SNX9: variants seen among roughly 807,000 people sequenced by gnomAD.
SNX9 encodes the protein sorting nexin 9, also known as sorting nexin-9.
A neutral mutation model predicts 89.4 loss-of-function variants in SNX9; 44 were observed. The ratio of observed to expected loss-of-function variants is 0.49; its 90% confidence interval spans 0.39 to 0.63. SNX9 has a LOEUF of 0.63. SNX9 is among the 30% of genes least tolerant of loss of function. SNX9 has a pLI of 0.00. For synonymous variants in SNX9, 236 were observed against 247.8 expected, an observed-to-expected ratio of 0.95 and a Z score of 0.45; for missense variants, 578 against 736.1, an observed-to-expected ratio of 0.79 and a Z score of 2.49.
intron 7 of SNX9, among the ~76,000 whole-genome samples, chr6:157,907,810 A>G (rs1289613747): frequency 3.9e-5 from 6 of 152,260 alleles, no homozygotes; most frequent in Admixed American, 2.6e-4. Context: ...CTAAAAGTGC[A>G]GTAACCTTGC....
At chr6:157,906,684 G>A (rs1288406830) in intron 7 of SNX9, among the ~76,000 whole-genome samples, 1 of 152,192 alleles carries the variant, frequency 6.6e-6, no homozygotes, top group African/African-American at 2.4e-5. Context: ...GCTACCAAAT[G>A]GAAGCTGGGA....
intron 1 of SNX9, among the ~76,000 whole-genome samples, chr6:157,837,770 A>G (rs1781614352): frequency 6.6e-6 from 1 of 152,196 alleles, no homozygotes; most frequent in Admixed American, 6.5e-5. Context: ...TGCAGTCAGT[A>G]AGAAGTAACG....
chr6:157,909,072 G>T (rs536012889), intron 7 of SNX9, among the ~76,000 whole-genome samples: 1 of 152,042 alleles, frequency 6.6e-6, no homozygotes, highest in Non-Finnish European at 1.5e-5. Context: ...CTTGCCACTA[G>T]TAGTAAAACA....
At chr6:157,845,887 T>G (rs773094953) in intron 1 of SNX9, among the ~76,000 whole-genome samples, 1 of 152,240 alleles carries the variant, frequency 6.6e-6, no homozygotes, top group African/African-American at 2.4e-5. Flanking sequence ...TTTACTCTTA[T>G]AACTTGATTG....
intron 1 of SNX9, among the ~76,000 whole-genome samples, chr6:157,834,026 G>A (rs956770766): frequency 3.3e-5 from 5 of 152,034 alleles, no homozygotes; most frequent in South Asian, 4.2e-4. Context: ...GTAATGAGGC[G>A]TGATCTGATT....
At chr6:157,838,390 A>G (rs1781627008) in intron 1 of SNX9, among the ~76,000 whole-genome samples, 1 of 151,774 alleles carries the variant, frequency 6.6e-6, no homozygotes, top group Admixed American at 6.6e-5. Context: ...ATATTTTTCT[A>G]TCCAGAGAAT....
intron 16 of SNX9, among the ~76,000 whole-genome samples, chr6:157,940,271 T>C (rs1479725154): frequency 5.3e-5 from 8 of 152,262 alleles, no homozygotes; most frequent in African/African-American, 1.7e-4. Context: ...GTAACAAATA[T>C]GACCAAGTAT....
At chr6:157,906,887 C>G (rs1038624384) in intron 7 of SNX9, among the ~76,000 whole-genome samples, 3 of 152,204 alleles carry the variant, frequency 2.0e-5, no homozygotes, top group Admixed American at 2.0e-4. Context: ...TGACTTAACC[C>G]TGTAACAATT....
intron 9 of SNX9, among the ~76,000 whole-genome samples, chr6:157,912,037 C>T (rs3805781): frequency 0.23 from 34,788 of 152,042 alleles, 4,120 homozygotes; most frequent in African/African-American, 0.27. Flanking sequence ...AGGCACTGAC[C>T]GAACCCCTGC....
chr6:157,872,826 C>A, intron 2 of SNX9: 1 of 233,152 alleles, frequency 4.3e-6, no homozygotes, highest in Admixed American at 5.4e-5. Context: ...TGCCGCAGAC[C>A]AGTACACAGA....
At chr6:157,845,105 C>CTTTT (rs35257389) in intron 1 of SNX9, among the ~76,000 whole-genome samples, 1 of 124,806 alleles carries the variant, frequency 8.0e-6, no homozygotes, top group Admixed American at 8.2e-5. Context: ...TCCCATTTGT[C>CTTTT]TTTTTTTTTT....
intron 7 of SNX9, 103 bp from the exon 8 acceptor site, chr6:157,909,562 A>G (rs762525509): frequency 1.0e-5 from 14 of 1,366,452 alleles, no homozygotes; most frequent in Non-Finnish European, 1.4e-5. Flanking sequence ...ATGACCCTCC[A>G]AAGGACTTCT....
chr6:157,870,371 A>T (rs1385033545), intron 2 of SNX9, among the ~76,000 whole-genome samples: 1 of 150,394 alleles, frequency 6.6e-6, no homozygotes. Flanking sequence ...TGCAGCACTC[A>T]CCCGTGTGAG....
intron 15 of SNX9, 27 bp from the exon 16 acceptor site, chr6:157,938,606 C>A: frequency 6.9e-7 from 1 of 1,446,336 alleles, no homozygotes; most frequent in South Asian, 1.1e-5. Flanking sequence ...CAGCTTTATT[C>A]ATACTGTTGC....
At chr6:157,851,114 G>A (rs961352009) in intron 1 of SNX9, among the ~76,000 whole-genome samples, 1 of 151,740 alleles carries the variant, frequency 6.6e-6, no homozygotes, top group Non-Finnish European at 1.5e-5. Context: ...AAAAATTAGT[G>A]GGGCATGGTG....
chr6:157,843,176 G>A (rs932616596), intron 1 of SNX9, among the ~76,000 whole-genome samples: 6 of 152,154 alleles, frequency 3.9e-5, no homozygotes, highest in African/African-American at 1.4e-4. Flanking sequence ...GCCAGCAATG[G>A]GAGGATGCTT....
chr6:157,907,613 C>T (rs570342204), intron 7 of SNX9, among the ~76,000 whole-genome samples: 1 of 152,230 alleles, frequency 6.6e-6, no homozygotes, highest in Admixed American at 6.5e-5. Context: ...GGACTTTGTC[C>T]CAGGTTTGCA....
At chr6:157,925,991 G>A (rs1783683977) in intron 10 of SNX9, among the ~76,000 whole-genome samples, 1 of 152,140 alleles carries the variant, frequency 6.6e-6, no homozygotes, top group Non-Finnish European at 1.5e-5. Context: ...GAGCAAAAAG[G>A]GACAAACCCC....
chr6:157,880,856 C>A (rs1231804597), intron 4 of SNX9, among the ~76,000 whole-genome samples: 1 of 152,190 alleles, frequency 6.6e-6, no homozygotes, highest in African/African-American at 2.4e-5. Context: ...GGGTAAGCTG[C>A]TTAGCATCTC....
Sources: allele counts gnomAD v4.1 joint callset (sites outside exome capture counted in the v4.1 genomes callset), GRCh38; gene constraint gnomAD v4.1.1; transcripts MANE v1.5; gene names NCBI Gene and HGNC (gene_info 2026-07-23, HGNC 2026-07-21).